BABAM2: variants seen among roughly 807,000 people sequenced by gnomAD.
BABAM2 encodes the protein BRISC and BRCA1 A complex member 2.
BABAM2 carries 31 observed loss-of-function variants against 54.7 expected under a neutral mutation model. The ratio of observed to expected loss-of-function variants is 0.57; its 90% CI spans 0.43 to 0.77. BABAM2 has a LOEUF of 0.77. Ranked by LOEUF, BABAM2 falls within the 30% of genes least tolerant of loss-of-function variation. The pLI is 0.00. For missense variants in BABAM2, 364 were observed against 455.8 expected (o/e 0.80, Z 1.83); for synonymous variants, 167 against 162.9 (o/e 1.03, Z -0.19).
intron 7 of BABAM2, among the ~76,000 whole-genome samples, chr2:28,146,640 T>C (rs1360520841): frequency 6.6e-6 from 1 of 152,186 alleles, no homozygotes; most frequent in Non-Finnish European, 1.5e-5. Flanking sequence ...CTGTAGAATG[T>C]TGAGTGGCTG....
chr2:28,127,720 G>A (rs1211366565), intron 6 of BABAM2, among the ~76,000 whole-genome samples: 1 of 152,118 alleles, frequency 6.6e-6, no homozygotes, highest in African/African-American at 2.4e-5. Flanking sequence ...CAGCTTCCCA[G>A]GATGAAGGAA....
At chr2:28,144,650 G>T (rs922089426) in intron 7 of BABAM2, among the ~76,000 whole-genome samples, 5 of 152,128 alleles carry the variant, frequency 3.3e-5, no homozygotes, top group Non-Finnish European at 5.9e-5. Context: ...ATGTCCACCG[G>T]CCATGGCAGT....
intron 6 of BABAM2, among the ~76,000 whole-genome samples, chr2:28,095,092 T>G (rs1447037587): frequency 6.6e-6 from 1 of 152,146 alleles, no homozygotes; most frequent in Non-Finnish European, 1.5e-5. Context: ...ATAGGACCAG[T>G]TCCCAGTGGT....
At chr2:28,042,694 G>T (rs1677198381) in intron 5 of BABAM2, among the ~76,000 whole-genome samples, 1 of 152,090 alleles carries the variant, frequency 6.6e-6, no homozygotes, top group Non-Finnish European at 1.5e-5. Flanking sequence ...ACTTTTTACA[G>T]GTGATTATTT....
chr2:27,995,432 G>A lies in BABAM2; in HGVS notation c.300+7345G>A, dbSNP rs972256803. 1.3e-5 allele frequency among the ~76,000 whole-genome samples: 2 copies of A among 152,080 alleles called. No homozygotes were observed. Among genetic ancestry groups the A allele is most frequent in the Admixed American group, 1.3e-4 (2 of 15,268 alleles). ...CTGGCAGAAGAAAAATGTTTACAGG[G>A]TCTGGCCCCCGCTTCATAAACAGGG... is the stretch of plus-strand genomic sequence containing the variant. On this transcript the variant is annotated intron_variant, in intron 4 of 11. Transcript: ENST00000379624. This position sits in a 1 kb window ranked among gnomAD's most constrained non-coding sequence, Gnocchi z 4.1.
intron 6 of BABAM2, among the ~76,000 whole-genome samples, chr2:28,107,509 T>A (rs985549188): frequency 1.3e-5 from 2 of 152,196 alleles, no homozygotes; most frequent in African/African-American, 4.8e-5. Flanking sequence ...GAATGTACCA[T>A]GTGCCCTTCT....
chr2:28,060,481 G>C (rs558640192), intron 6 of BABAM2, among the ~76,000 whole-genome samples: 9 of 152,242 alleles, frequency 5.9e-5, no homozygotes, highest in African/African-American at 2.4e-5. Context: ...TCAGTACTGG[G>C]GGGGCCTGGC....
intron 11 of BABAM2, among the ~76,000 whole-genome samples, chr2:28,326,890 T>TTCCC (rs1558533637): frequency 6.6e-6 from 1 of 151,940 alleles, no homozygotes; most frequent in Non-Finnish European, 1.5e-5. Context: ...TTCCCCTTCC[T>TTCCC]TGTAATGTTT....
chr2:28,277,063 T>C (rs1450837055), intron 10 of BABAM2, among the ~76,000 whole-genome samples: 1 of 152,176 alleles, frequency 6.6e-6, no homozygotes, highest in African/African-American at 2.4e-5. Flanking sequence ...CACACACTGA[T>C]GACATAGCCT....
rs56135926 is a variant in BABAM2 at position 28,335,154 on chromosome 2, C to CTT, written c.1089-3270_1089-3269dup. 3.2e-3 allele frequency among the ~76,000 whole-genome samples: 228 copies of CTT among 71,512 alleles called. 14 individuals are homozygous for CTT. The highest frequency in any genetic ancestry group is 0.022 in the Middle Eastern group (2 of 92). 46.9% of individuals were successfully genotyped at this position (71,512 alleles called of 152,430 possible). On this transcript the variant is annotated intron_variant, in intron 11 of 11. Transcript: ENST00000379624. ...CTGGAGCTGCTGTCTCTCCCACCTT[C>CTT]TTTTTTTTTTTTTTTTTTTTTTTTT...
At chr2:27,959,675 A>G (rs1451071465) in intron 3 of BABAM2, among the ~76,000 whole-genome samples, 7 of 152,096 alleles carry the variant, frequency 4.6e-5, no homozygotes, top group African/African-American at 1.7e-4. Flanking sequence ...TGTCACAGAC[A>G]CTGCTTGATT....
chr2:28,061,627 C>T (rs1309497645), intron 6 of BABAM2, among the ~76,000 whole-genome samples: 1 of 149,820 alleles, frequency 6.7e-6, no homozygotes, highest in Non-Finnish European at 1.5e-5. Flanking sequence ...AAACTTCAAT[C>T]CATGCCTTGA....
chr2:28,184,290 C>CG (rs1676026342), intron 7 of BABAM2, among the ~76,000 whole-genome samples: 1 of 138,884 alleles, frequency 7.2e-6, no homozygotes, highest in East Asian at 2.3e-4. Flanking sequence ...CTCTCTCCCC[C>CG]CCTCCCTCTC....
At chr2:27,923,777 C>T (rs1025159449) in intron 2 of BABAM2, among the ~76,000 whole-genome samples, 1 of 152,104 alleles carries the variant, frequency 6.6e-6, no homozygotes, top group Non-Finnish European at 1.5e-5. Flanking sequence ...TTGAGACCAG[C>T]CTGGGCAACA....
intron 3 of BABAM2, among the ~76,000 whole-genome samples, chr2:27,943,813 G>A (rs527472513): frequency 5.7e-4 from 87 of 152,298 alleles, no homozygotes; most frequent in African/African-American, 2.0e-3. Context: ...GCTAATTGTG[G>A]AGGCAGGTCA....
chr2:27,947,833 T>C, intron 3 of BABAM2, among the ~76,000 whole-genome samples: 1 of 152,200 alleles, frequency 6.6e-6, no homozygotes, highest in East Asian at 1.9e-4. Flanking sequence ...TCTAGTATCA[T>C]CTGATGAAAA....
chr2:28,087,705 G>A (rs1665786124), intron 6 of BABAM2, among the ~76,000 whole-genome samples: 2 of 151,758 alleles, frequency 1.3e-5, no homozygotes, highest in African/African-American at 2.4e-5. Flanking sequence ...TTGGAGTGCA[G>A]TGGCATGATC....
chr2:27,994,112 C>T (rs1170384830), intron 4 of BABAM2, among the ~76,000 whole-genome samples: 1 of 152,106 alleles, frequency 6.6e-6, no homozygotes, highest in Admixed American at 6.5e-5. Flanking sequence ...AGCACTTGTC[C>T]TTAGCCCTGA....
At chr2:28,045,929 A>G (rs768053652) in intron 6 of BABAM2, 130 bp downstream of exon 6, 20 of 722,956 alleles carry the variant, frequency 2.8e-5, no homozygotes, top group South Asian at 7.1e-5. Context: ...TATTTCTTAC[A>G]TGAAGTTCCA....
Sources: allele counts gnomAD v4.1 joint callset (sites outside exome capture counted in the v4.1 genomes callset), GRCh38; gene constraint gnomAD v4.1.1; non-coding constraint Gnocchi (gnomAD v3.1); transcripts MANE v1.5; gene names NCBI Gene and HGNC (gene_info 2026-07-23, HGNC 2026-07-21).